The following DRGX variants were observed in gnomAD, a reference collection of about 807,000 sequenced individuals.
The protein encoded by DRGX is dorsal root ganglia homeobox.
A neutral mutation model predicts 28.6 loss-of-function variants in DRGX; 21 were observed. The observed-to-expected ratio is 0.73, with a 90% CI of 0.52 to 1.06. The LOEUF (loss-of-function observed/expected upper bound fraction) is 1.06, where lower values mean the gene tolerates loss of function less well. Among genes scored for constraint, DRGX ranks in the 50% least tolerant of loss-of-function variants. DRGX has a pLI of 0.00. For synonymous variants in DRGX, 136 were observed against 139.1 expected (o/e 0.98, Z 0.16); for missense variants, 354 against 343.9 (o/e 1.03, Z -0.23).
intron 2 of DRGX, among the ~76,000 whole-genome samples, chr10:49,394,986 T>C (rs1469268269): frequency 1.3e-5 from 2 of 152,208 alleles, no homozygotes; most frequent in Admixed American, 1.3e-4. Flanking sequence ...CGGGCCCTTG[T>C]AGGCTCGTGC....
At chr10:49,380,862 T>C (rs1849767090) in intron 6 of DRGX, among the ~76,000 whole-genome samples, 2 of 152,168 alleles carry the variant, frequency 1.3e-5, no homozygotes. Context: ...TGGTCAACAA[T>C]AGTTGGTGTT....
At chr10:49,393,148 G>GC (rs1289183279) in intron 2 of DRGX, among the ~76,000 whole-genome samples, 1 of 151,994 alleles carries the variant, frequency 6.6e-6, no homozygotes, top group African/African-American at 2.4e-5. Flanking sequence ...CAACCAAAAT[G>GC]CCCATCAGCA....
At chr10:49,395,190 C>A (rs907011394) in intron 2 of DRGX, among the ~76,000 whole-genome samples, 53 of 152,226 alleles carry the variant, frequency 3.5e-4, no homozygotes, top group African/African-American at 1.3e-3. Flanking sequence ...CTGGCCCAGG[C>A]GGGGAGGGAG....
intron 6 of DRGX, among the ~76,000 whole-genome samples, chr10:49,377,012 T>C (rs1269602169): frequency 6.6e-6 from 1 of 152,216 alleles, no homozygotes; most frequent in African/African-American, 2.4e-5. Flanking sequence ...CATTGCTAGA[T>C]GCTCAACCTG....
rs756217604 is a variant in DRGX at position 49,377,515 on chromosome 10, G to A, written c.526+8963C>T. Reference sequence around the variant, plus strand: ...TGGCTTTAATCAATAGGATGCAGCAGCAGTGACACTGTACCCATTCTGGGT... The same window carrying A: ...TGGCTTTAATCAATAGGATGCAGCAACAGTGACACTGTACCCATTCTGGGT... On this transcript the variant is annotated intron_variant, in intron 6 of 6. Transcript: ENST00000374139. Among the ~76,000 whole-genome samples the A allele has an allele frequency of 7.2e-5, 11 of 152,232 alleles. 1 individual carries two copies. The highest frequency in any genetic ancestry group is 4.4e-5 in the Non-Finnish European group (3 of 68,046).
intron 6 of DRGX, among the ~76,000 whole-genome samples, chr10:49,367,706 G>A (rs1477013972): frequency 6.6e-6 from 1 of 152,216 alleles, no homozygotes; most frequent in African/African-American, 2.4e-5. Flanking sequence ...GGTCCCAGCC[G>A]AGGCTGAGGG....
chr10:49,374,187 G>A (rs964679459), intron 6 of DRGX, among the ~76,000 whole-genome samples: 1 of 152,092 alleles, frequency 6.6e-6, no homozygotes. Context: ...TCATTCAGAC[G>A]ATGGTGACAG....
chr10:49,386,397 G>A (rs562890646), intron 6 of DRGX, 81 bp downstream of exon 6: 22 of 1,302,368 alleles, frequency 1.7e-5, no homozygotes, highest in African/African-American at 1.3e-4. Flanking sequence ...AAGGACGGCC[G>A]AGCCAAGACC....
chr10:49,366,408 C>T (rs761756732), intron 6 of DRGX, 27 bp from the exon 7 acceptor site: 33 of 1,574,864 alleles, frequency 2.1e-5, no homozygotes, highest in Admixed American at 1.9e-4. Flanking sequence ...AACAGGCTCC[C>T]ATCACTGTCT....
Position 49,365,110 on chromosome 10 carries a change from A to T in DRGX, c.*1006T>A, listed in dbSNP as rs1424242137. Reference sequence around the variant, plus strand: ...TCTTCCCCATGCTCCATATCTGCACATACGCCGTTCCTGTCTCCTTTCCTA... The same window carrying T: ...TCTTCCCCATGCTCCATATCTGCACTTACGCCGTTCCTGTCTCCTTTCCTA... On this transcript the variant is annotated 3_prime_UTR_variant, in exon 7 of 7. Transcript: ENST00000374139. 3 of 151,238 alleles carry T rather than the reference A, an allele frequency of 2.0e-5. No homozygotes were observed. Among genetic ancestry groups the T allele is most frequent in the Non-Finnish European group, 2.9e-5 (2 of 68,036 alleles). The allele number at this position is 151,238 out of a possible 1,614,324, so 9.4% of individuals were successfully genotyped here.
In DRGX at chr10:49,391,155, C is replaced by CGTTG. The variant is rs1364225427; in HGVS notation, c.132+5_132+8dup. On this transcript the variant is annotated intron_variant, in intron 3 of 6. Coordinates refer to ENST00000374139, the MANE Select transcript of DRGX (RefSeq NM_001276451.2). Reference sequence around the variant, plus strand: ...AGCTGATGTTTGAAAGGAGAATCAACGTTGGTACCTGCTGAAGAGTGAACG... The same window carrying CGTTG: ...AGCTGATGTTTGAAAGGAGAATCAACGTTGGTTGGTACCTGCTGAAGAGTGAACG... 6.2e-7 allele frequency: 1 copy of CGTTG among 1,613,460 alleles called. No homozygotes were observed. Among genetic ancestry groups the CGTTG allele is most frequent in the South Asian group, 1.1e-5 (1 of 90,886 alleles).
chr10:49,370,142 C>T (rs1455818106), intron 6 of DRGX, among the ~76,000 whole-genome samples: 1 of 152,168 alleles, frequency 6.6e-6, no homozygotes, highest in Admixed American at 6.5e-5. Context: ...CAGTGGCTCA[C>T]ACCTGTAAAA....
chr10:49,366,527 G>T, intron 6 of DRGX, 146 bp from the exon 7 acceptor site: 1 of 1,196,636 alleles, frequency 8.4e-7, no homozygotes, highest in Non-Finnish European at 1.1e-6. Flanking sequence ...CAAGTGCTCA[G>T]AACCTCAAAG....
intron 6 of DRGX, among the ~76,000 whole-genome samples, chr10:49,370,634 C>T (rs1390883266): frequency 6.6e-6 from 1 of 152,162 alleles, no homozygotes; most frequent in Non-Finnish European, 1.5e-5. Flanking sequence ...CTGGACCTGC[C>T]CAGACCTGAA....
chr10:49,377,583 T>C (rs1849729616), intron 6 of DRGX, among the ~76,000 whole-genome samples: 1 of 152,224 alleles, frequency 6.6e-6, no homozygotes, highest in Non-Finnish European at 1.5e-5. Context: ...TTTATACTCT[T>C]GGTATCCAAC....
intron 1 of DRGX, among the ~76,000 whole-genome samples, 178 bp downstream of exon 1, chr10:49,395,757 C>CG (rs545622083): frequency 1.1e-3 from 163 of 152,328 alleles, no homozygotes; most frequent in African/African-American, 3.7e-3. Flanking sequence ...GCACCAAACC[C>CG]CGCAGCGTAG....
At chr10:49,376,089 G>T (rs1849713250) in intron 6 of DRGX, among the ~76,000 whole-genome samples, 1 of 152,124 alleles carries the variant, frequency 6.6e-6, no homozygotes, top group African/African-American at 2.4e-5. Flanking sequence ...GGGGCTGGAA[G>T]GTTGCACACC....
At chr10:49,375,622 C>G (rs2132474013) in intron 6 of DRGX, among the ~76,000 whole-genome samples, 1 of 152,238 alleles carries the variant, frequency 6.6e-6, no homozygotes, top group South Asian at 2.1e-4. Flanking sequence ...TACTTATTCA[C>G]TCAGCAAACA....
chr10:49,381,336 T>C (rs1229793275), intron 6 of DRGX, among the ~76,000 whole-genome samples: 1 of 152,178 alleles, frequency 6.6e-6, no homozygotes, highest in Non-Finnish European at 1.5e-5. Context: ...CCAGCCTCAT[T>C]GGAGTGGCCA....
Sources: gnomAD v4.1 joint callset for allele counts (sites outside exome capture counted in the v4.1 genomes callset) on GRCh38, gnomAD v4.1.1 for gene constraint, MANE v1.5 for transcripts, NCBI Gene and HGNC (gene_info 2026-07-23, HGNC 2026-07-21) for gene names.